PPA2: variants seen among roughly 807,000 people sequenced by gnomAD.
PPA2 encodes inorganic pyrophosphatase 2, mitochondrial.
Under a neutral mutation model 49.5 loss-of-function variants are expected in PPA2, and 48 were observed. The ratio of observed to expected loss-of-function variants is 0.97; its 90% CI spans 0.77 to 1.23. PPA2 has a LOEUF of 1.23. PPA2 is among the 50% of genes most tolerant of loss of function. The pLI is 0.00. For synonymous variants in PPA2, 131 were observed against 139.9 expected (o/e 0.94, Z 0.45); for missense variants, 429 against 410.1 (o/e 1.05, Z -0.40).
At chr4:105,454,302 C>CTGTTGTTGTTGTTGTTGTTGTTGT (rs111229489) in intron 2 of PPA2, among the ~76,000 whole-genome samples, 1 of 146,284 alleles carries the variant, frequency 6.8e-6, no homozygotes, top group Non-Finnish European at 1.5e-5. Context: ...TTTGCTGCTG[C>CTGTTGTTGTTGTTGTTGTTGTTGT]TGTTGTTGTT....
In PPA2 at chr4:105,468,474, G is replaced by C. The variant is rs188201388; in HGVS notation, c.157+5420C>G. Reference sequence around the variant, plus strand: ...TGAACTGTAAAAAGTACTGCTGATAGGTCATATGAGGACTTCAAACTGACC... The same window carrying C: ...TGAACTGTAAAAAGTACTGCTGATACGTCATATGAGGACTTCAAACTGACC... On this transcript the variant is annotated intron_variant, in intron 1 of 11. Transcript: ENST00000341695. 6.0e-4 allele frequency among the ~76,000 whole-genome samples: 91 copies of C among 152,328 alleles called. 1 individual carries two copies. Among genetic ancestry groups the C allele is most frequent in the Non-Finnish European group, 1.2e-3 (81 of 68,034 alleles).
chr4:105,399,217 T>G lies in PPA2; in HGVS notation c.656-53A>C. ...TTGTTAAGAACCAAAATTAATTCCC[T>G]TTAGTGGCAGAGCATTGGACTGAGG... is the stretch of plus-strand genomic sequence containing the variant. On this transcript the variant is annotated intron_variant, in intron 7 of 11. Coordinates refer to ENST00000341695, the MANE Select transcript of PPA2 (RefSeq NM_176869.3). The G allele has an allele frequency of 2.0e-6, 3 of 1,535,554 alleles. No individual in the cohort carries two copies. The East Asian group carries it at 6.8e-5, about 35-fold the overall frequency.
At position 105,446,449 on chromosome 4, in the gene PPA2, C is replaced by A; in HGVS notation, c.375G>T (p.Lys125Asn). The A allele has an allele frequency of 6.2e-7, 1 of 1,606,302 alleles. No individual in the cohort carries two copies. ...GGAAGATATTCGCCACATAGCGTAGCTTTCCATCCTTTACATATTGTTTAA... is the reference window on the plus strand; with the variant it reads ...GGAAGATATTCGCCACATAGCGTAGATTTCCATCCTTTACATATTGTTTAA... ...NPIKQYVKDG[K>N]LRYVANIFPY... The change falls in exon 5 of 12, where the codon AAG becomes AAT. Residue 125 changes from lysine to asparagine, a missense_variant. Lys to Asn is a moderately conservative substitution (Grantham distance 94). Transcript: ENST00000341695.
intron 7 of PPA2, among the ~76,000 whole-genome samples, chr4:105,418,438 G>C (rs1259937891): frequency 6.6e-6 from 1 of 152,146 alleles, no homozygotes; most frequent in Non-Finnish European, 1.5e-5. Context: ...TTTTTGCCTT[G>C]AAAGAGAGTA....
intron 10 of PPA2, among the ~76,000 whole-genome samples, chr4:105,385,771 C>T (rs1560606420): frequency 6.6e-6 from 1 of 151,688 alleles, no homozygotes; most frequent in Non-Finnish European, 1.5e-5. Context: ...TCTCAGCTTA[C>T]AGAAGGAAAG....
rs112346417 is a variant in PPA2 at position 105,396,213 on chromosome 4, T to C, written c.869+36A>G. The stretch of plus-strand genomic sequence containing the variant: ...TATGTGGCTGTTTAATACCAATTAA[T>C]ATAACATTACTTACATAGAAAAGAC... On this transcript the variant is annotated intron_variant, in intron 9 of 11. Coordinates refer to ENST00000341695, the MANE Select transcript of PPA2 (RefSeq NM_176869.3). The C allele has an allele frequency of 5.3e-6, 7 of 1,310,788 alleles. No homozygotes were observed. In the South Asian group the frequency reaches 9.6e-5, roughly 18 times the overall value. 81.2% of individuals were successfully genotyped at this position (1,310,788 alleles called of 1,614,324 possible).
chr4:105,470,539 A>G (rs1301636356), intron 1 of PPA2, among the ~76,000 whole-genome samples: 1 of 151,752 alleles, frequency 6.6e-6, no homozygotes, highest in Non-Finnish European at 1.5e-5. Context: ...CAACAACAAC[A>G]AAAAACCTTC....
In PPA2 at chr4:105,396,279, A is replaced by T. The variant is rs1218019321; in HGVS notation, c.839T>A (p.Met280Lys). ...STHQCWKALL[M>K]KKCNGGAINC... ...TATAGCTCCTCCATTACACTTCTTC[A>T]TAAGCAATGCTTTCCAACATTGATG... The change falls in exon 9 of 12, where the codon ATG becomes AAG. Residue 280 changes from methionine to lysine, a missense_variant. By Grantham distance (95) the Met-to-Lys change is moderately conservative (BLOSUM62 -1). Transcript: ENST00000341695. The T allele has an allele frequency of 6.3e-7, 1 of 1,597,288 alleles. No individual in the cohort carries two copies. Among genetic ancestry groups the T allele is most frequent in the Admixed American group, 1.7e-5 (1 of 57,516 alleles).
chr4:105,441,754 AT>A (rs1286585123), intron 5 of PPA2, among the ~76,000 whole-genome samples: 1 of 152,188 alleles, frequency 6.6e-6, no homozygotes, highest in Non-Finnish European at 1.5e-5. Context: ...ATAAATCAGA[AT>A]ACACATATTA....
chr4:105,400,513 G>C (rs1734321802), intron 7 of PPA2, among the ~76,000 whole-genome samples: 1 of 152,088 alleles, frequency 6.6e-6, no homozygotes, highest in South Asian at 2.1e-4. Context: ...ATTGCCTATA[G>C]TCCAAGCTAC....
chr4:105,442,398 A>G (rs1724412850), intron 5 of PPA2, among the ~76,000 whole-genome samples: 2 of 152,214 alleles, frequency 1.3e-5, no homozygotes, highest in South Asian at 4.1e-4. Flanking sequence ...CAGGTTATAA[A>G]GCTAATAAGT....
chr4:105,382,960 G>C (rs1196936332), intron 10 of PPA2, among the ~76,000 whole-genome samples: 2 of 151,984 alleles, frequency 1.3e-5, no homozygotes, highest in African/African-American at 4.8e-5. Context: ...GTATGATCAT[G>C]CCACTGCACT....
chr4:105,467,865 TG>T (rs1290255221), intron 1 of PPA2, among the ~76,000 whole-genome samples: 5 of 152,350 alleles, frequency 3.3e-5, no homozygotes, highest in African/African-American at 1.2e-4. Flanking sequence ...TGTTTTGTGC[TG>T]TTAATCTTGA....
chr4:105,426,620 C>T (rs1033830448), intron 6 of PPA2, among the ~76,000 whole-genome samples: 2 of 152,180 alleles, frequency 1.3e-5, no homozygotes, highest in Non-Finnish European at 2.9e-5. Flanking sequence ...GATGTGGGAG[C>T]TTGGTAGGGG....
At chr4:105,461,921 G>A (rs1056134473) in intron 1 of PPA2, among the ~76,000 whole-genome samples, 8 of 152,164 alleles carry the variant, frequency 5.3e-5, no homozygotes, top group African/African-American at 1.9e-4. Context: ...TCTCAGCACT[G>A]TTAGAAAACT....
At chr4:105,376,507 G>A (rs41438151) in intron 10 of PPA2, among the ~76,000 whole-genome samples, 18,513 of 152,018 alleles carry the variant, frequency 0.12, 1,176 homozygotes, top group African/African-American at 0.15. Flanking sequence ...AGGTTTATCC[G>A]AGACTAGTTT....
intron 7 of PPA2, among the ~76,000 whole-genome samples, chr4:105,404,161 A>G: frequency 6.7e-6 from 1 of 149,070 alleles, no homozygotes; most frequent in African/African-American, 2.4e-5. Flanking sequence ...TAAAACAATA[A>G]CATTTAAAAA....
At chr4:105,397,884 T>C (rs575558070) in intron 8 of PPA2, among the ~76,000 whole-genome samples, 1 of 152,304 alleles carries the variant, frequency 6.6e-6, no homozygotes, top group South Asian at 2.1e-4. Context: ...GTATAGCCTG[T>C]AGGACTGTGA....
rs535730824 is a variant in PPA2, at chr4:105,449,742, C to G, written c.268-339G>C. ...AAAATAGAAGTGAGAGAACCAGTCCCTCATGTAAGGATTCAGTCTCACTTT... is the reference window on the plus strand; with the variant it reads ...AAAATAGAAGTGAGAGAACCAGTCCGTCATGTAAGGATTCAGTCTCACTTT... On this transcript the variant is annotated intron_variant, in intron 3 of 11. Transcript: ENST00000341695. 6.6e-5 allele frequency among the ~76,000 whole-genome samples: 10 copies of G among 152,266 alleles called. No homozygotes were observed. The East Asian group carries it at 1.7e-3, about 26-fold the overall frequency.
Sources: gnomAD v4.1 joint callset for allele counts (sites outside exome capture counted in the v4.1 genomes callset) on GRCh38, gnomAD v4.1.1 for gene constraint, MANE v1.5 for transcripts, NCBI Gene and HGNC (gene_info 2026-07-23, HGNC 2026-07-21) for gene names.